Variants in FUZ observed in about 807,000 individuals in gnomAD.
The protein encoded by FUZ is fuzzy planar cell polarity protein.
FUZ carries 31 observed loss-of-function variants against 43.1 expected under a neutral mutation model. The ratio of observed to expected loss-of-function variants is 0.72; its 90% CI spans 0.54 to 0.97. FUZ has a LOEUF of 0.97. FUZ is among the 50% of genes least tolerant of loss of function. The pLI is 0.00. For missense variants in FUZ, 539 were observed against 543.8 expected (o/e 0.99, Z 0.09); for synonymous variants, 274 against 250.0 (o/e 1.10, Z -0.91).
At chr19:49,811,280 G>A (rs373783242) in intron 5 of FUZ, 83 bp downstream of exon 5, 2 of 932,682 alleles carry the variant, frequency 2.1e-6, no homozygotes, top group Admixed American at 2.0e-5. Flanking sequence ...AGGAGGTTGG[G>A]ACAATGGTCC....
At chr19:49,808,049 C>G (rs546771347) in intron 10 of FUZ, 1 of 377,100 alleles carries the variant, frequency 2.7e-6, no homozygotes, top group East Asian at 6.6e-5. Context: ...CTCTGCCACT[C>G]ATGAGCTGAG....
At chr19:49,808,862 G>A (rs1249350904) in intron 7 of FUZ, 39 bp from the exon 8 acceptor site, 2 of 1,475,768 alleles carry the variant, frequency 1.4e-6, no homozygotes, top group Admixed American at 2.0e-5. Flanking sequence ...GTCATGGGAA[G>A]GCGGGGCCGG....
Position 49,807,370 on chromosome 19 carries a change from T to C in FUZ, c.1038A>G (p.Pro346=). 6.2e-7 allele frequency: 1 copy of C among 1,612,000 alleles called. No homozygotes were observed. The highest frequency in any genetic ancestry group is 8.5e-7 in the Non-Finnish European group (1 of 1,179,254). The change falls in exon 11 of 11, where the codon CCA becomes CCG. Residue 346 remains proline (P), a synonymous_variant. Transcript: ENST00000313777. ...CATCTTCTGTCTTCTCTGGTGGCCC[T>C]GGCTCTGGAGAAAGAACAGGGGGCA... ...LVTSTHFPPE[P]GPPEKTEDEV... is the part of the protein sequence containing the mutation.
Position 49,809,133 on chromosome 19 carries a change from G to T in FUZ, c.786+30C>A. Reference sequence around the variant, plus strand: ...GCCCTCCTGGTAGCGGGTGTCCTAAGAGCGAAAGCGGGACGTGGCGCGGGT... The same window carrying T: ...GCCCTCCTGGTAGCGGGTGTCCTAATAGCGAAAGCGGGACGTGGCGCGGGT... On this transcript the variant is annotated intron_variant, in intron 7 of 10. Coordinates refer to ENST00000313777, the MANE Select transcript of FUZ (RefSeq NM_025129.5). This position sits in a 1 kb window ranked among gnomAD's most constrained non-coding sequence, Gnocchi z 5.1. 6.5e-7 allele frequency: 1 copy of T among 1,545,536 alleles called. No individual in the cohort carries two copies. The highest frequency in any genetic ancestry group is 8.8e-7 in the Non-Finnish European group (1 of 1,142,532).
rs1046474080 is a variant in FUZ at position 49,806,975 on chromosome 19, C to G, written c.*176G>C. On this transcript the variant is annotated 3_prime_UTR_variant, in exon 11 of 11. Transcript: ENST00000313777. ...GGGGAGTCCCCCTCCCTCCCTTTCCCCCCCAAGCACAGAGGGGAGAGGGGC... is the reference window on the plus strand; with the variant it reads ...GGGGAGTCCCCCTCCCTCCCTTTCCGCCCCAAGCACAGAGGGGAGAGGGGC... The G allele has an allele frequency of 2.0e-6, 3 of 1,530,494 alleles. No homozygotes were observed. The highest frequency in any genetic ancestry group is 1.2e-5 in the South Asian group (1 of 83,100). The allele number at this position is 1,530,494 out of a possible 1,614,324, so 94.8% of individuals were successfully genotyped here.
rs1290632 is a variant in FUZ, at chr19:49,810,635, C to T, written c.492+728G>A. Reference sequence around the variant, plus strand: ...CAGAGGTTGCAGTGAGCCAAGATTGCGCCATTGCACTCCAGCCCCTGTGAC... The same window carrying T: ...CAGAGGTTGCAGTGAGCCAAGATTGTGCCATTGCACTCCAGCCCCTGTGAC... On this transcript the variant is annotated intron_variant, in intron 5 of 10. Transcript: ENST00000313777. 3.1e-3 allele frequency among the ~76,000 whole-genome samples: 459 copies of T among 146,096 alleles called. 2 individuals carry two copies. The highest frequency in any genetic ancestry group is 9.9e-3 in the African/African-American group (390 of 39,280).
At chr19:49,807,742 G>A (rs1313452596) in intron 10 of FUZ, among the ~76,000 whole-genome samples, 1 of 152,176 alleles carries the variant, frequency 6.6e-6, no homozygotes, top group East Asian at 1.9e-4. Flanking sequence ...AAACAGGCAG[G>A]GGCCAGTGGG....
chr19:49,813,054 G>A lies in FUZ; in HGVS notation c.53C>T (p.Ser18Phe). Residue 18 changes from serine (S) to phenylalanine (F), a missense_variant, in exon 1 of 11, where the codon TCC (serine) becomes TTC (phenylalanine). Physicochemically the swap from Ser to Phe is radical, Grantham distance 155 (BLOSUM62 -2). Coordinates refer to ENST00000313777, the MANE Select transcript of FUZ (RefSeq NM_025129.5). ...GTVHLLCLAASSGVPLFCRSS... is the reference protein window; with the variant it reads ...GTVHLLCLAAFSGVPLFCRSS... Reference sequence around the variant, plus strand: ...CCTGCAGAATAGGGGGACCCCGCTGGAGGCCGCGAGGCACAGCAGATGCAC... The same window carrying A: ...CCTGCAGAATAGGGGGACCCCGCTGAAGGCCGCGAGGCACAGCAGATGCAC... 1 of 1,551,320 alleles carries A rather than the reference G, an allele frequency of 6.4e-7. No homozygotes were observed. Among genetic ancestry groups the A allele is most frequent in the Non-Finnish European group, 8.7e-7 (1 of 1,146,984 alleles).
rs1225449254 is a variant in FUZ, at chr19:49,809,610, A to G, written c.493-35T>C. On this transcript the variant is annotated intron_variant, in intron 5 of 10. Coordinates refer to ENST00000313777, the MANE Select transcript of FUZ (RefSeq NM_025129.5). This position sits in a 1 kb window ranked among gnomAD's most constrained non-coding sequence, Gnocchi z 5.1. ...GGAGGCAGGAGGACTGGGAGTCAGC[A>G]GACAAGCGTAGGGGGTGGCAGCGAC... 1 of 1,554,500 alleles carries G rather than the reference A, an allele frequency of 6.4e-7. No homozygotes were observed. The highest frequency in any genetic ancestry group is 8.7e-7 in the Non-Finnish European group (1 of 1,155,740).
intron 10 of FUZ, among the ~76,000 whole-genome samples, chr19:49,807,652 G>A (rs2073461979): frequency 6.6e-6 from 1 of 152,146 alleles, no homozygotes; most frequent in African/African-American, 2.4e-5. Flanking sequence ...AATACACATG[G>A]CGAACACGGC....
At position 49,813,246 on chromosome 19, in the gene FUZ, C is replaced by T. The variant is rs1419700773; in HGVS notation, c.-140G>A. 6.3e-6 allele frequency: 5 copies of T among 792,180 alleles called. No homozygotes were observed. Among genetic ancestry groups the T allele is most frequent in the Non-Finnish European group, 1.1e-5 (5 of 462,152 alleles). 49.1% of individuals were successfully genotyped at this position (792,180 alleles called of 1,614,324 possible). A position where few individuals can be genotyped will look rare whatever the true frequency, so the allele number is the denominator to read the frequency against. On this transcript the variant is annotated 5_prime_UTR_variant, in exon 1 of 11. Transcript: ENST00000313777. Reference sequence around the variant, plus strand: ...AGCTGATTGGAAGAGGATTAACTTCCCGCCTTCTTCACCCAACTCAAACAG... The same window carrying T: ...AGCTGATTGGAAGAGGATTAACTTCTCGCCTTCTTCACCCAACTCAAACAG...
chr19:49,807,390 G>T lies in FUZ; in HGVS notation c.1034-16C>A. ...GGCCCTGGCTCTGGAGAAAGAACAG[G>T]GGGCACTGACATGACAAGTAGCATG... On this transcript the variant is annotated splice_polypyrimidine_tract_variant and intron_variant, in intron 10 of 10. Transcript: ENST00000313777. The T allele has an allele frequency of 1.2e-6, 2 of 1,604,116 alleles. No homozygotes were observed. The highest frequency in any genetic ancestry group is 1.3e-5 in the African/African-American group (1 of 74,718).
intron 3 of FUZ, among the ~76,000 whole-genome samples, 182 bp from the exon 4 acceptor site, chr19:49,811,881 G>A (rs1356729671): frequency 1.3e-5 from 2 of 152,168 alleles, no homozygotes; most frequent in African/African-American, 4.8e-5. Flanking sequence ...GCCAAGGTGG[G>A]TGGATCACTT....
chr19:49,808,795 A>T lies in FUZ; in HGVS notation c.815T>A (p.Leu272Gln). Reference sequence around the variant, plus strand: ...CGGCAGACAGGCCCGCAACGGGTCCAGCAGTGGCTGCCACCAGCGCTCCAG... The same window carrying T: ...CGGCAGACAGGCCCGCAACGGGTCCTGCAGTGGCTGCCACCAGCGCTCCAG... ...QLLERWWQPLLDPLRACLPLG... is the reference protein window; with the variant it reads ...QLLERWWQPLQDPLRACLPLG... Residue 272 changes from leucine (L) to glutamine (Q), a missense_variant, in exon 8 of 11, where the codon CTG (leucine) becomes CAG (glutamine). Leu to Gln is a moderately radical substitution (Grantham distance 113). Transcript: ENST00000313777. The T allele has an allele frequency of 6.4e-7, 1 of 1,555,642 alleles. No individual in the cohort carries two copies. The highest frequency in any genetic ancestry group is 8.7e-7 in the Non-Finnish European group (1 of 1,150,276).
Position 49,809,787 on chromosome 19 carries a change from CTGAT to C in FUZ, c.493-216_493-213del, listed in dbSNP as rs1284865996. The C allele has an allele frequency of 1.6e-6, 1 of 614,328 alleles. No homozygotes were observed. The highest frequency in any genetic ancestry group is 1.8e-5 in the African/African-American group (1 of 54,510). The allele number at this position is 614,328 out of a possible 1,614,324, so 38.1% of individuals were successfully genotyped here. On this transcript the variant is annotated intron_variant, in intron 5 of 10. Coordinates refer to ENST00000313777, the MANE Select transcript of FUZ (RefSeq NM_025129.5). This position sits in a 1 kb window ranked among gnomAD's most constrained non-coding sequence, Gnocchi z 5.1. ...ACTCACACTGTGAAGTCTGTGAAAT[CTGAT>C]TAAACATCTAGCCTGGGCGGGCAAA...
rs1291624189 is a variant in FUZ, at chr19:49,808,588, G to T, written c.944C>A (p.Pro315His). ...TCCTCAGTCACCTTTATCCCCCAAG[G>T]GCTCCACGGTGAAGAGGCAGCGCTT... ...ELKRCLFTVE[P>H]LGDKEPSPEQ... The change falls in exon 9 of 11, where the codon CCC becomes CAC. Residue 315 changes from proline to histidine, a missense_variant. Coordinates refer to ENST00000313777, the MANE Select transcript of FUZ (RefSeq NM_025129.5). The T allele has an allele frequency of 5.6e-6, 9 of 1,611,652 alleles. No homozygotes were observed. The highest frequency in any genetic ancestry group is 1.7e-5 in the Admixed American group (1 of 59,688).
Position 49,811,706 on chromosome 19 carries a change from G to T in FUZ, c.319-7C>A, listed in dbSNP as rs2073801499. 1 of 1,612,090 alleles carries T rather than the reference G, an allele frequency of 6.2e-7. No homozygotes were observed. The highest frequency in any genetic ancestry group is 8.5e-7 in the Non-Finnish European group (1 of 1,178,114). ...CAAGTCCCACAAGAAGGACCTAGAA[G>T]AATCATATAGGAGAGGATGGGCGAG... On this transcript the variant is annotated splice_region_variant and splice_polypyrimidine_tract_variant and intron_variant, in intron 3 of 10. Coordinates refer to ENST00000313777, the MANE Select transcript of FUZ (RefSeq NM_025129.5).
Position 49,809,093 on chromosome 19 carries a change from G to C in FUZ, c.786+70C>G. 3 of 1,384,584 alleles carry C rather than the reference G, an allele frequency of 2.2e-6. No homozygotes were observed. In the South Asian group the frequency reaches 3.7e-5, roughly 17 times the overall value. The allele number at this position is 1,384,584 out of a possible 1,614,324, so 85.8% of individuals were successfully genotyped here. On this transcript the variant is annotated intron_variant, in intron 7 of 10. Transcript: ENST00000313777. The surrounding 1 kb of genome is among the most constrained non-coding windows in gnomAD (Gnocchi z 5.1). Reference sequence around the variant, plus strand: ...GGGGAAAGATGCCGCTGGCAGGGCAGGGTGGTGGGGAAGGGCCCTCCTGGT... The same window carrying C: ...GGGGAAAGATGCCGCTGGCAGGGCACGGTGGTGGGGAAGGGCCCTCCTGGT...
At position 49,808,632 on chromosome 19, in the gene FUZ, C is replaced by T. The variant is rs374092791; in HGVS notation, c.900G>A (p.Leu300=). 2.3e-4 allele frequency: 378 copies of T among 1,613,190 alleles called. 2 individuals carry two copies. Among genetic ancestry groups the T allele is most frequent in the South Asian group, 1.8e-3 (168 of 90,850 alleles). ...AGCGCTTCAGTTCCAGGTGGAGGAGCAGCAGCCTGTGGGAAAGGGAAGGGA... is the reference window on the plus strand; with the variant it reads ...AGCGCTTCAGTTCCAGGTGGAGGAGTAGCAGCCTGTGGGAAAGGGAAGGGA... ...FPLHTDILGL[L]LLHLELKRCL... Residue 300 remains leucine (L), a synonymous_variant, in exon 9 of 11, where the codon CTG becomes CTA. Transcript: ENST00000313777.
Sources: gnomAD v4.1 joint callset for allele counts (sites outside exome capture counted in the v4.1 genomes callset) on GRCh38, gnomAD v4.1.1 for gene constraint, Gnocchi (gnomAD v3.1) non-coding constraint, MANE v1.5 for transcripts, NCBI Gene and HGNC (gene_info 2026-07-23, HGNC 2026-07-21) for gene names.